The following WDR97 variants were observed in gnomAD, a reference collection of about 807,000 sequenced individuals.
WDR97 encodes the protein WD repeat domain 97.
Under a neutral mutation model 65.4 loss-of-function variants are expected in WDR97, and 111 were observed. That is an observed-to-expected ratio of 1.70 (90% CI 1.45 to 1.99). The LOEUF (loss-of-function observed/expected upper bound fraction) is 1.99. WDR97 is among the 30% of genes most tolerant of loss of function. WDR97 has a pLI of 0.00. For missense variants in WDR97, 1,674 were observed against 865.0 expected (o/e 1.94, Z -11.73); for synonymous variants, 802 against 397.7 (o/e 2.02, Z -12.10).
Position 144,109,624 on chromosome 8 carries a change from G to A in WDR97, c.1290G>A (p.Val430=). 1 of 683,130 alleles carries A rather than the reference G, an allele frequency of 1.5e-6. No homozygotes were observed. Among genetic ancestry groups the A allele is most frequent in the Non-Finnish European group, 2.7e-6 (1 of 376,302 alleles). 42.3% of individuals were successfully genotyped at this position (683,130 alleles called of 1,614,324 possible). A position where few individuals can be genotyped will look rare whatever the true frequency, so the allele number is the denominator to read the frequency against. ...QLPAKVLHVQ[V]APALPAPAHQ... is the part of the protein sequence containing the mutation. ...CCGCCAAGGTGCTCCACGTGCAGGTGGCGCCCGCGTTGCCCGCGCCTGCGC... is the reference window on the plus strand; with the variant it reads ...CCGCCAAGGTGCTCCACGTGCAGGTAGCGCCCGCGTTGCCCGCGCCTGCGC... The change falls in exon 5 of 24, where the codon GTG becomes GTA. Residue 430 remains valine, a synonymous_variant. Coordinates refer to ENST00000323662, the MANE Select transcript of WDR97 (RefSeq NM_001316309.2).
At position 144,115,637 on chromosome 8, in the gene WDR97, T is replaced by C. The variant is rs1321905728; in HGVS notation, c.4374T>C (p.Pro1458=). 1 of 690,978 alleles carries C rather than the reference T, an allele frequency of 1.4e-6. No homozygotes were observed. Among genetic ancestry groups the C allele is most frequent in the Non-Finnish European group, 2.6e-6 (1 of 378,678 alleles). The allele number at this position is 690,978 out of a possible 1,614,324, so 42.8% of individuals were successfully genotyped here. A position where few individuals can be genotyped will look rare whatever the true frequency, so the allele number is the denominator to read the frequency against. ...EPEARLHPAG[P]AQLPGEPPPL... ...AGGCCCGCCTGCACCCTGCCGGGCC[T>C]GCTCAGCTGCCCGGAGAGCCGCCGC... Residue 1458 remains proline, a synonymous_variant, in exon 22 of 24, where the codon CCT becomes CCC. Coordinates refer to ENST00000323662, the MANE Select transcript of WDR97 (RefSeq NM_001316309.2).
rs1020178426 is a variant in WDR97, at chr8:144,109,935, C to T, written c.1601C>T (p.Thr534Met). Residue 534 changes from threonine to methionine, a missense_variant, in exon 5 of 24, where the codon ACG becomes ATG. Coordinates refer to ENST00000323662, the MANE Select transcript of WDR97 (RefSeq NM_001316309.2). ...PCCLHLYSHL[T>M]DLEGAFSSWE... ...TGTCTGCACCTGTACAGCCACCTCACGGATCTCGAAGGCGCCTTCTCCTCC... is the reference window on the plus strand; with the variant it reads ...TGTCTGCACCTGTACAGCCACCTCATGGATCTCGAAGGCGCCTTCTCCTCC... 1.3e-5 allele frequency: 9 copies of T among 702,054 alleles called. No homozygotes were observed. Among genetic ancestry groups the T allele is most frequent in the Non-Finnish European group, 2.1e-5 (8 of 384,694 alleles). The allele number at this position is 702,054 out of a possible 1,614,324, so 43.5% of individuals were successfully genotyped here. A position where few individuals can be genotyped will look rare whatever the true frequency, so the allele number is the denominator to read the frequency against.
In WDR97 at chr8:144,109,616, G is replaced by C. The variant is rs968781814; in HGVS notation, c.1282G>C (p.Val428Leu). The C allele has an allele frequency of 1.7e-4, 118 of 685,690 alleles. 1 individual carries two copies. The African/African-American group carries it at 1.9e-3, about 11-fold the overall frequency. The allele number at this position is 685,690 out of a possible 1,614,324, so 42.5% of individuals were successfully genotyped here. The change falls in exon 5 of 24, where the codon GTG becomes CTG. Residue 428 changes from valine (V) to leucine (L), a missense_variant. Coordinates refer to ENST00000323662, the MANE Select transcript of WDR97 (RefSeq NM_001316309.2). Reference protein sequence around the residue: ...LAQLPAKVLHVQVAPALPAPA... With the variant: ...LAQLPAKVLHLQVAPALPAPA... ...GCAACTGCCCGCCAAGGTGCTCCACGTGCAGGTGGCGCCCGCGTTGCCCGC... is the reference window on the plus strand; with the variant it reads ...GCAACTGCCCGCCAAGGTGCTCCACCTGCAGGTGGCGCCCGCGTTGCCCGC...
Position 144,110,116 on chromosome 8 carries a change from A to G in WDR97, c.1703A>G (p.Tyr568Cys), listed in dbSNP as rs758813263. ...VACAWKNKNR[Y>C]LPVVGHTDGT... ...CAACAGGCTCTTCCCACTCGCAGGT[A>G]CCTGCCAGTGGTGGGGCACACGGAC... The change falls in exon 6 of 24, where the codon TAC becomes TGC. Residue 568 changes from tyrosine (Y) to cysteine (C), a missense_variant and splice_region_variant. Tyr to Cys is a radical substitution (Grantham distance 194). Transcript: ENST00000323662. 4.3e-6 allele frequency: 3 copies of G among 702,450 alleles called. No individual in the cohort carries two copies. Among genetic ancestry groups the G allele is most frequent in the East Asian group, 5.4e-5 (2 of 37,266 alleles). The allele number at this position is 702,450 out of a possible 1,614,324, so 43.5% of individuals were successfully genotyped here. A position where few individuals can be genotyped will look rare whatever the true frequency, so the allele number is the denominator to read the frequency against.
rs1237631809 is a variant in WDR97 at position 144,108,411 on chromosome 8, G to C, written c.345G>C (p.Gln115His). 1 of 699,222 alleles carries C rather than the reference G, an allele frequency of 1.4e-6. No homozygotes were observed. The highest frequency in any genetic ancestry group is 1.5e-5 in the South Asian group (1 of 67,444). The allele number at this position is 699,222 out of a possible 1,614,324, so 43.3% of individuals were successfully genotyped here. A position where few individuals can be genotyped will look rare whatever the true frequency, so the allele number is the denominator to read the frequency against. Residue 115 changes from glutamine (Q) to histidine (H), a missense_variant, in exon 3 of 24, where the codon CAG (glutamine) becomes CAC (histidine). Coordinates refer to ENST00000323662, the MANE Select transcript of WDR97 (RefSeq NM_001316309.2). ...EVAAGLRSVA[Q>H]DPVGGRFVVL... is the part of the protein sequence containing the mutation. Reference sequence around the variant, plus strand: ...CAGCCGGGCTGCGCTCGGTGGCGCAGGACCCGGTGGGTGGACGCTTCGTGG... The same window carrying C: ...CAGCCGGGCTGCGCTCGGTGGCGCACGACCCGGTGGGTGGACGCTTCGTGG...
Position 144,110,010 on chromosome 8 carries a change from C to G in WDR97, c.1676C>G (p.Ala559Gly), listed in dbSNP as rs1372299708. 2 of 697,940 alleles carry G rather than the reference C, an allele frequency of 2.9e-6. No individual in the cohort carries two copies. The highest frequency in any genetic ancestry group is 4.0e-5 in the Admixed American group (2 of 49,690). 43.2% of individuals were successfully genotyped at this position (697,940 alleles called of 1,614,324 possible). Reference sequence around the variant, plus strand: ...GGCGAGTTGCGCTGCAGCTCTGTGGCCTGCGCCTGGAAGAACAAGAACCGG... The same window carrying G: ...GGCGAGTTGCGCTGCAGCTCTGTGGGCTGCGCCTGGAAGAACAAGAACCGG... ...HWGELRCSSVACAWKNKNRYL... is the reference protein window; with the variant it reads ...HWGELRCSSVGCAWKNKNRYL... The change falls in exon 5 of 24, where the codon GCC becomes GGC. Residue 559 changes from alanine to glycine, a missense_variant. Ala to Gly is a moderately conservative substitution (Grantham distance 60). Transcript: ENST00000323662.
chr8:144,110,181 G>A lies in WDR97; in HGVS notation c.1768G>A (p.Val590Ile). 1 of 702,910 alleles carries A rather than the reference G, an allele frequency of 1.4e-6. No individual in the cohort carries two copies. The highest frequency in any genetic ancestry group is 2.6e-6 in the Non-Finnish European group (1 of 384,954). The allele number at this position is 702,910 out of a possible 1,614,324, so 43.5% of individuals were successfully genotyped here. Residue 590 changes from valine to isoleucine, a missense_variant, in exon 6 of 24, where the codon GTC becomes ATC. Coordinates refer to ENST00000323662, the MANE Select transcript of WDR97 (RefSeq NM_001316309.2). Reference sequence around the variant, plus strand: ...GCTGGAGTGGCTCTCGTCGAAGACTGTCTTCCAAACGGAGGCGCACAGCCC... The same window carrying A: ...GCTGGAGTGGCTCTCGTCGAAGACTATCTTCCAAACGGAGGCGCACAGCCC... ...SVLEWLSSKT[V>I]FQTEAHSPGP... is the part of the protein sequence containing the mutation.
Position 144,112,006 on chromosome 8 carries a change from C to T in WDR97, c.2757C>T (p.Val919=). 4 of 702,664 alleles carry T rather than the reference C, an allele frequency of 5.7e-6. No individual in the cohort carries two copies. Among genetic ancestry groups the T allele is most frequent in the Non-Finnish European group, 1.0e-5 (4 of 384,980 alleles). The allele number at this position is 702,664 out of a possible 1,614,324, so 43.5% of individuals were successfully genotyped here. A position where few individuals can be genotyped will look rare whatever the true frequency, so the allele number is the denominator to read the frequency against. Reference sequence around the variant, plus strand: ...CCCACTGTCTTGCCCGGGCTGAGGTCAGCACTGCAGCCCAAACAGTGCCAA... The same window carrying T: ...CCCACTGTCTTGCCCGGGCTGAGGTTAGCACTGCAGCCCAAACAGTGCCAA... ...QAAHCLARAE[V]STAAQTVPTA... is the part of the protein sequence containing the mutation. Residue 919 remains valine (V), a synonymous_variant, in exon 13 of 24, where the codon GTC becomes GTT. Coordinates refer to ENST00000323662, the MANE Select transcript of WDR97 (RefSeq NM_001316309.2).
At position 144,110,845 on chromosome 8, in the gene WDR97, G is replaced by C; in HGVS notation, c.2172-19G>C. On this transcript the variant is annotated intron_variant, in intron 8 of 23. Coordinates refer to ENST00000323662, the MANE Select transcript of WDR97 (RefSeq NM_001316309.2). The stretch of plus-strand genomic sequence containing the variant: ...GCCTTGTCCCTGCTGAGCCTCGGCT[G>C]CCCTGGGTGCCTCTCCAGGCTCCTG... The C allele has an allele frequency of 1.4e-6, 1 of 702,750 alleles. No homozygotes were observed. The highest frequency in any genetic ancestry group is 2.7e-5 in the East Asian group (1 of 37,272). The allele number at this position is 702,750 out of a possible 1,614,324, so 43.5% of individuals were successfully genotyped here. A position where few individuals can be genotyped will look rare whatever the true frequency, so the allele number is the denominator to read the frequency against.
In WDR97 at chr8:144,115,561, T is replaced by A; in HGVS notation, c.4298T>A (p.Leu1433His). 1 of 696,026 alleles carries A rather than the reference T, an allele frequency of 1.4e-6. No homozygotes were observed. Among genetic ancestry groups the A allele is most frequent in the Admixed American group, 2.0e-5 (1 of 49,746 alleles). 43.1% of individuals were successfully genotyped at this position (696,026 alleles called of 1,614,324 possible). ...APKRSWGTPQ[L>H]RLRVLSETLK... The stretch of plus-strand genomic sequence containing the variant: ...AAGCGCAGCTGGGGGACCCCTCAGC[T>A]CCGTCTCAGAGTGCTCTCCGAGACG... Residue 1433 changes from leucine to histidine, a missense_variant, in exon 22 of 24, where the codon CTC becomes CAC. Transcript: ENST00000323662.
chr8:144,115,862 C>T lies in WDR97; in HGVS notation c.4595+4C>T, dbSNP rs1186400506. 2.9e-6 allele frequency: 2 copies of T among 693,608 alleles called. No individual in the cohort carries two copies. The highest frequency in any genetic ancestry group is 2.7e-5 in the East Asian group (1 of 37,064). The allele number at this position is 693,608 out of a possible 1,614,324, so 43.0% of individuals were successfully genotyped here. On this transcript the variant is annotated splice_donor_region_variant and intron_variant, in intron 22 of 23. Coordinates refer to ENST00000323662, the MANE Select transcript of WDR97 (RefSeq NM_001316309.2). Reference sequence around the variant, plus strand: ...TGCCACCTCCGCGGGAGCACTGGTGCGCGGGGCCTGCGCCGGCGGGGCCTG... The same window carrying T: ...TGCCACCTCCGCGGGAGCACTGGTGTGCGGGGCCTGCGCCGGCGGGGCCTG...
intron 10 of WDR97, 84 bp from the exon 11 acceptor site, chr8:144,111,342 T>G: frequency 1.4e-6 from 1 of 702,700 alleles, no homozygotes; most frequent in Non-Finnish European, 2.6e-6. Context: ...GCACACCCGT[T>G]TGGGGTTGGT....
chr8:144,111,652 C>A lies in WDR97; in HGVS notation c.2508C>A (p.Ala836=). ...VPKEDLDAIV[A]RDRDLQQLRL... is the part of the protein sequence containing the mutation. ...CTCAGGACTTGGACGCCATAGTGGC[C>A]CGGGACCGAGACCTTCAGCAGTTGA... The change falls in exon 12 of 24, where the codon GCC becomes GCA. Residue 836 remains alanine (A), a synonymous_variant. Coordinates refer to ENST00000323662, the MANE Select transcript of WDR97 (RefSeq NM_001316309.2). 1 of 694,982 alleles carries A rather than the reference C, an allele frequency of 1.4e-6. No individual in the cohort carries two copies. The highest frequency in any genetic ancestry group is 2.6e-6 in the Non-Finnish European group (1 of 380,362). 43.1% of individuals were successfully genotyped at this position (694,982 alleles called of 1,614,324 possible). A position where few individuals can be genotyped will look rare whatever the true frequency, so the allele number is the denominator to read the frequency against.
rs1836534125 is a variant in WDR97 at position 144,110,913 on chromosome 8, A to T, written c.2221A>T (p.Ser741Cys). Residue 741 changes from serine to cysteine, a missense_variant, in exon 9 of 24, where the codon AGT becomes TGT. By Grantham distance (112) the Ser-to-Cys change is moderately radical. Coordinates refer to ENST00000323662, the MANE Select transcript of WDR97 (RefSeq NM_001316309.2). ...APQALAFCSN[S>C]GDLVLALGSR... ...TCAGGCCCTGGCTTTCTGCAGCAAC[A>T]GTGGAGACCTGGTGCTGGCGCTGGG... 5 of 702,704 alleles carry T rather than the reference A, an allele frequency of 7.1e-6. No individual in the cohort carries two copies. The highest frequency in any genetic ancestry group is 1.3e-5 in the Non-Finnish European group (5 of 384,980). The allele number at this position is 702,704 out of a possible 1,614,324, so 43.5% of individuals were successfully genotyped here. A position where few individuals can be genotyped will look rare whatever the true frequency, so the allele number is the denominator to read the frequency against.
In WDR97 at chr8:144,113,830, C is replaced by G. The variant is rs1836596275; in HGVS notation, c.3357C>G (p.Ser1119=). ...AGGAGCTGGACTGGGCCTTGGCTTC[C>G]CTGAGCCCGCACTCCAACCAGCAGC... ...EDEELDWALA[S]LSPHSNQQLD... is the part of the protein sequence containing the mutation. The change falls in exon 17 of 24, where the codon TCC becomes TCG. Residue 1119 remains serine (S), a synonymous_variant. Coordinates refer to ENST00000323662, the MANE Select transcript of WDR97 (RefSeq NM_001316309.2). 1.4e-6 allele frequency: 1 copy of G among 701,210 alleles called. No homozygotes were observed. The highest frequency in any genetic ancestry group is 2.7e-5 in the East Asian group (1 of 37,218). 43.4% of individuals were successfully genotyped at this position (701,210 alleles called of 1,614,324 possible).
Position 144,107,767 on chromosome 8 carries a change from G to T in WDR97, c.17G>T (p.Trp6Leu), listed in dbSNP as rs1273463274. 2 of 702,722 alleles carry T rather than the reference G, an allele frequency of 2.8e-6. No individual in the cohort carries two copies. Among genetic ancestry groups the T allele is most frequent in the Non-Finnish European group, 5.2e-6 (2 of 384,998 alleles). 43.5% of individuals were successfully genotyped at this position (702,722 alleles called of 1,614,324 possible). Residue 6 changes from tryptophan (W) to leucine (L), a missense_variant, in exon 1 of 24, where the codon TGG (tryptophan) becomes TTG (leucine). Coordinates refer to ENST00000323662, the MANE Select transcript of WDR97 (RefSeq NM_001316309.2). Reference protein sequence around the residue: MEAEVWEAEGYNLVLD... With the variant: MEAEVLEAEGYNLVLD... ...GTTGCTGAAATGGAGGCAGAGGTGT[G>T]GGAGGCAGAAGGCTACAACCTAGTT...
Position 144,116,218 on chromosome 8 carries a change from GCC to G in WDR97, c.4798_4799del (p.Pro1600AlafsTer19). ...ACTGGCCTATGCCCCCGCGCCCGCT[GCC>G]CCCGCGGCTCCTGCAGCCGGCCCTG... is the stretch of plus-strand genomic sequence containing the variant. ...LDWPMPPRPL[P>X]PRLLQPALQR... On this transcript the variant is annotated frameshift_variant, in exon 24 of 24. Coordinates refer to ENST00000323662, the MANE Select transcript of WDR97 (RefSeq NM_001316309.2). LOFTEE classifies it low-confidence loss of function (END_TRUNC). 1.5e-6 allele frequency: 1 copy of G among 684,826 alleles called. No individual in the cohort carries two copies. Among genetic ancestry groups the G allele is most frequent in the Non-Finnish European group, 2.7e-6 (1 of 375,458 alleles). 42.4% of individuals were successfully genotyped at this position (684,826 alleles called of 1,614,324 possible). A position where few individuals can be genotyped will look rare whatever the true frequency, so the allele number is the denominator to read the frequency against.
rs1836529994 is a variant in WDR97, at chr8:144,110,736, T to G, written c.2168T>G (p.Leu723Arg). 1 of 702,702 alleles carries G rather than the reference T, an allele frequency of 1.4e-6. No individual in the cohort carries two copies. The highest frequency in any genetic ancestry group is 1.7e-5 in the African/African-American group (1 of 57,274). The allele number at this position is 702,702 out of a possible 1,614,324, so 43.5% of individuals were successfully genotyped here. Residue 723 changes from leucine (L) to arginine (R), a missense_variant, in exon 8 of 24, where the codon CTG (leucine) becomes CGG (arginine). Coordinates refer to ENST00000323662, the MANE Select transcript of WDR97 (RefSeq NM_001316309.2). ...VRIWTAENRL[L>R]RLLQLNGAPQ... ...ATCTGGACTGCTGAGAACCGCCTCC[T>G]GCGGTAGGCTAGGAGGTGGGGAGGG...
rs1386934484 is a variant in WDR97, at chr8:144,112,152, T to C, written c.2895+8T>C. On this transcript the variant is annotated splice_region_variant and intron_variant, in intron 13 of 23. Transcript: ENST00000323662. ...CACAGCAAGGCATCCCAGGTGAGGC[T>C]TCCCACCCTCCCACATGCCTGCTGG... 8.6e-6 allele frequency: 6 copies of C among 700,672 alleles called. No homozygotes were observed. The highest frequency in any genetic ancestry group is 5.3e-5 in the African/African-American group (3 of 56,954). 43.4% of individuals were successfully genotyped at this position (700,672 alleles called of 1,614,324 possible). A position where few individuals can be genotyped will look rare whatever the true frequency, so the allele number is the denominator to read the frequency against.
Sources: allele counts gnomAD v4.1 joint callset, GRCh38; gene constraint gnomAD v4.1.1; transcripts MANE v1.5; gene names NCBI Gene and HGNC (gene_info 2026-07-23, HGNC 2026-07-21).